Variants in SECISBP2 observed in about 807,000 individuals in gnomAD.
The protein encoded by SECISBP2 is SECIS binding protein 2, also known as selenocysteine insertion sequence-binding protein 2.
Under a neutral mutation model 98.2 loss-of-function variants are expected in SECISBP2, and 96 were observed. The ratio of observed to expected loss-of-function variants is 0.98; its 90% CI spans 0.83 to 1.16. The LOEUF (loss-of-function observed/expected upper bound fraction) is 1.16, where lower values mean the gene tolerates loss of function less well. SECISBP2 is among the 50% of genes most tolerant of loss of function. The probability of loss-of-function intolerance (pLI) is 0.00; values close to 1 mark genes in which losing one functional copy is unlikely to be tolerated. For missense variants in SECISBP2, 1,046 were observed against 1,022.9 expected (o/e 1.02, Z -0.31); for synonymous variants, 407 against 370.2 (o/e 1.10, Z -1.14).
chr9:89,340,267 T>C (rs1345629620), intron 9 of SECISBP2, among the ~76,000 whole-genome samples: 1 of 152,316 alleles, frequency 6.6e-6, no homozygotes, highest in South Asian at 2.1e-4. Context: ...AAAAGTTGAC[T>C]CAGTTTATTT....
Position 89,350,862 on chromosome 9 carries a change from C to G in SECISBP2, c.2113+10C>G. On this transcript the variant is annotated intron_variant, in intron 14 of 16. Coordinates refer to ENST00000375807, the MANE Select transcript of SECISBP2 (RefSeq NM_024077.5). Reference sequence around the variant, plus strand: ...AAGATACAGTCAAAAGGTAAAGGCACAGTGTGGTCCTGTGATATGTGGGCC... The same window carrying G: ...AAGATACAGTCAAAAGGTAAAGGCAGAGTGTGGTCCTGTGATATGTGGGCC... 6.2e-7 allele frequency: 1 copy of G among 1,610,802 alleles called. No homozygotes were observed. The highest frequency in any genetic ancestry group is 8.5e-7 in the Non-Finnish European group (1 of 1,177,150).
intron 2 of SECISBP2, among the ~76,000 whole-genome samples, chr9:89,320,578 A>G (rs185077504): frequency 6.6e-6 from 1 of 152,224 alleles, no homozygotes; most frequent in Non-Finnish European, 1.5e-5. Flanking sequence ...AATTTTTTGG[A>G]AATTGTTGAC....
chr9:89,327,592 C>G lies in SECISBP2; in HGVS notation c.575-1068C>G, dbSNP rs144703418. On this transcript the variant is annotated intron_variant, in intron 4 of 16. Transcript: ENST00000375807. ...ACTTTCTACACTTTTTAATTAAAAA[C>G]GAAGACACAACCACACACATTAGCC... 9.8e-3 allele frequency among the ~76,000 whole-genome samples: 1,488 copies of G among 152,030 alleles called. 18 individuals are homozygous for G. The highest frequency in any genetic ancestry group is 0.03 in the African/African-American group (1,239 of 41,448).
intron 9 of SECISBP2, 41 bp from the exon 10 acceptor site, chr9:89,341,306 G>T (rs755973997): frequency 6.4e-7 from 1 of 1,572,940 alleles, no homozygotes; most frequent in Non-Finnish European, 8.7e-7. Context: ...AGCACAGTTT[G>T]TATAGTTTTA....
chr9:89,343,671 T>C (rs1316741963), intron 10 of SECISBP2, among the ~76,000 whole-genome samples: 1 of 152,248 alleles, frequency 6.6e-6, no homozygotes, highest in African/African-American at 2.4e-5. Flanking sequence ...GGACGTGGTC[T>C]CATTCTCTTT....
At chr9:89,346,802 C>G in intron 10 of SECISBP2, 80 bp from the exon 11 acceptor site, 2 of 1,565,322 alleles carry the variant, frequency 1.3e-6, no homozygotes, top group Admixed American at 3.3e-5. Flanking sequence ...CCTGAGGCAG[C>G]CCCTGGGCGA....
At chr9:89,351,812 TTG>T (rs1168166155) in intron 14 of SECISBP2, among the ~76,000 whole-genome samples, 1 of 152,212 alleles carries the variant, frequency 6.6e-6, no homozygotes, top group Non-Finnish European at 1.5e-5. Context: ...ACTCATCTGA[TTG>T]TGTGCCCAGA....
rs772047604 is a variant in SECISBP2, at chr9:89,348,160, C to G, written c.1684C>G (p.Gln562Glu). 14 of 1,614,176 alleles carry G rather than the reference C, an allele frequency of 8.7e-6. No individual in the cohort carries two copies. Among genetic ancestry groups the G allele is most frequent in the South Asian group, 4.4e-5 (4 of 91,086 alleles). ...TCCAGCTTTTACCAGTGATGACACA[C>G]AAGATGGAGAGAGTGGTGGTGATGA... ...VSPAFTSDDT[Q>E]DGESGGDDQF... Residue 562 changes from glutamine (Q) to glutamate (E), a missense_variant, in exon 12 of 17, where the codon CAA becomes GAA. Transcript: ENST00000375807.
At position 89,334,730 on chromosome 9, in the gene SECISBP2, G is replaced by GGTAA; in HGVS notation, c.1089+3_1089+4insAGTA. The GGTAA allele has an allele frequency of 6.2e-7, 1 of 1,610,152 alleles. No homozygotes were observed. Among genetic ancestry groups the GGTAA allele is most frequent in the Non-Finnish European group, 8.5e-7 (1 of 1,177,846 alleles). On this transcript the variant is annotated frameshift_variant and splice_region_variant. Coordinates refer to ENST00000375807, the MANE Select transcript of SECISBP2 (RefSeq NM_024077.5). LOFTEE classifies it high-confidence loss of function. The stretch of plus-strand genomic sequence containing the variant: ...AACACATTATTCATCCTACCCAAAA[G>GGTAA]GTACGTGTCACTAGAGACAGAAAGT...
At chr9:89,362,610 G>A (rs1832867340), downstream of SECISBP2, among the ~76,000 whole-genome samples, 1 of 152,220 alleles carries the variant, frequency 6.6e-6, no homozygotes, top group Non-Finnish European at 1.5e-5. Flanking sequence ...ATATGTGACA[G>A]GAAGGCAGAG....
intron 5 of SECISBP2, chr9:89,332,523 C>T (rs1405123678): frequency 3.7e-6 from 1 of 272,104 alleles, no homozygotes; most frequent in Non-Finnish European, 7.1e-6. Flanking sequence ...TTTATTGTCT[C>T]CACAGTTTTG....
chr9:89,338,393 A>G (rs1829120710), intron 7 of SECISBP2, 65 bp from the exon 8 acceptor site: 3 of 1,565,382 alleles, frequency 1.9e-6, no homozygotes, highest in Non-Finnish European at 2.6e-6. Flanking sequence ...TTGTTGATAC[A>G]TAGTATTAAA....
At chr9:89,366,254 G>A in the SECISBP2 span, among the ~76,000 whole-genome samples, 1 of 152,242 alleles carries the variant, frequency 6.6e-6, no homozygotes, top group East Asian at 1.9e-4. Context: ...TGGCTGGGAT[G>A]CTGGTGGTAA....
At position 89,338,563 on chromosome 9, in the gene SECISBP2, G is replaced by C. The variant is rs1398860139; in HGVS notation, c.1195G>C (p.Glu399Gln). The C allele has an allele frequency of 5.0e-6, 8 of 1,612,534 alleles. No individual in the cohort carries two copies. In the South Asian group the frequency reaches 8.8e-5, roughly 18 times the overall value. ...TSKYEVLTVQ[E>Q]PPRIEDAEEF... ...AAAATATGAAGTCCTGACAGTTCAAGAGCCTCCAAGGATTGAAGTACATTT... is the reference window on the plus strand; with the variant it reads ...AAAATATGAAGTCCTGACAGTTCAACAGCCTCCAAGGATTGAAGTACATTT... The change falls in exon 8 of 17, where the codon GAG becomes CAG. Residue 399 changes from glutamate to glutamine, a missense_variant. Transcript: ENST00000375807.
chr9:89,339,384 A>G (rs538013902), intron 8 of SECISBP2, among the ~76,000 whole-genome samples: 3 of 152,332 alleles, frequency 2.0e-5, no homozygotes, highest in African/African-American at 7.2e-5. Context: ...CATGTTTCCC[A>G]TCTTTTTCCA....
downstream of SECISBP2, chr9:89,362,380 G>C (rs758794011): frequency 1.9e-6 from 3 of 1,614,116 alleles, no homozygotes; most frequent in Admixed American, 5.0e-5. Flanking sequence ...TGAGGTCGGT[G>C]TCAGGGACTC....
chr9:89,318,507 C>T lies in SECISBP2; in HGVS notation c.-70C>T, dbSNP rs1482463119. On this transcript the variant is annotated 5_prime_UTR_variant, in exon 1 of 17. Coordinates refer to ENST00000375807, the MANE Select transcript of SECISBP2 (RefSeq NM_024077.5). ...GGCGTCGCCTGCGGGGGCGGAAACG[C>T]TTTGTCTGTCCGGCAAGCCGACGGC... 16 of 1,472,870 alleles carry T rather than the reference C, an allele frequency of 1.1e-5. No homozygotes were observed. Among genetic ancestry groups the T allele is most frequent in the African/African-American group, 2.9e-5 (2 of 68,810 alleles). The allele number at this position is 1,472,870 out of a possible 1,614,324, so 91.2% of individuals were successfully genotyped here.
intron 4 of SECISBP2, among the ~76,000 whole-genome samples, chr9:89,328,425 C>T (rs140934132): frequency 6.6e-6 from 1 of 152,276 alleles, no homozygotes; most frequent in African/African-American, 2.4e-5. Context: ...CCTAAATGTA[C>T]AGTGCATTTT....
chr9:89,362,099 G>A (rs1209881745), downstream of SECISBP2: 17 of 551,180 alleles, frequency 3.1e-5, no homozygotes, highest in Non-Finnish European at 5.2e-5. Flanking sequence ...TTTAGTTCAC[G>A]AGCAGCTATC....
Sources: gnomAD v4.1 joint callset for allele counts (sites outside exome capture counted in the v4.1 genomes callset) on GRCh38, gnomAD v4.1.1 for gene constraint, MANE v1.5 for transcripts, NCBI Gene and HGNC (gene_info 2026-07-23, HGNC 2026-07-21) for gene names.